The following HCN1 variants were observed in gnomAD, a reference collection of about 807,000 sequenced individuals.
HCN1 encodes the protein potassium/sodium hyperpolarization-activated cyclic nucleotide-gated channel 1.
A neutral mutation model predicts 78.9 loss-of-function variants in HCN1; 13 were observed. The observed-to-expected ratio is 0.16, with a 90% CI of 0.11 to 0.26. HCN1 has a LOEUF of 0.26. HCN1 is among the 10% of genes least tolerant of loss of function. The probability of loss-of-function intolerance (pLI) is 1.00; values close to 1 mark genes in which losing one functional copy is unlikely to be tolerated. For missense variants in HCN1, 810 were observed against 1,154.3 expected (o/e 0.70, Z 4.32); for synonymous variants, 552 against 455.5 (o/e 1.21, Z -2.70).
intron 2 of HCN1, among the ~76,000 whole-genome samples, chr5:45,533,971 A>G (rs973529025): frequency 6.6e-6 from 1 of 152,186 alleles, no homozygotes; most frequent in African/African-American, 2.4e-5. Flanking sequence ...GGATTGGCAT[A>G]ATGTTGGCAC....
intron 3 of HCN1, among the ~76,000 whole-genome samples, chr5:45,427,571 T>C (rs1285237556): frequency 6.6e-6 from 1 of 152,146 alleles, no homozygotes; most frequent in African/African-American, 2.4e-5. Context: ...TCAGGTGTTT[T>C]GTTAGATGTG....
Position 45,421,880 on chromosome 5 carries a change from T to C in HCN1, c.1012-25170A>G, listed in dbSNP as rs974141488. 2.0e-5 allele frequency among the ~76,000 whole-genome samples: 3 copies of C among 152,288 alleles called. No individual in the cohort carries two copies. The East Asian group carries it at 5.8e-4, about 30-fold the overall frequency. Reference sequence around the variant, plus strand: ...GGTGCTTGCACACATAGAAAGATTTTCTCCCCTACTTTTTATAAAGGCACT... The same window carrying C: ...GGTGCTTGCACACATAGAAAGATTTCCTCCCCTACTTTTTATAAAGGCACT... On this transcript the variant is annotated intron_variant, in intron 3 of 7. Transcript: ENST00000303230.
At chr5:45,461,732 C>A in intron 3 of HCN1, 114 bp downstream of exon 3, 1 of 1,008,914 alleles carries the variant, frequency 9.9e-7, no homozygotes, top group Non-Finnish European at 1.5e-6. Flanking sequence ...GAAGCAAAAT[C>A]AAGTTGTCTG....
chr5:45,684,359 G>A lies in HCN1; in HGVS notation c.425+11310C>T, dbSNP rs374104277. ...AACCATAACTTGGTGCTTCTAGCAT[G>A]TATTTCTGCTTTTTATACATTAGAT... On this transcript the variant is annotated intron_variant, in intron 1 of 7. Coordinates refer to ENST00000303230, the MANE Select transcript of HCN1 (RefSeq NM_021072.4). Among the ~76,000 whole-genome samples, 37 of 152,216 alleles carry A rather than the reference G, an allele frequency of 2.4e-4. No individual in the cohort carries two copies. The East Asian group carries it at 3.5e-3, about 14-fold the overall frequency.
chr5:45,389,136 T>G (rs1337069319), intron 4 of HCN1, among the ~76,000 whole-genome samples: 2 of 152,108 alleles, frequency 1.3e-5, no homozygotes, highest in African/African-American at 4.8e-5. Flanking sequence ...CCTAAACTGA[T>G]CCCTATCAGC....
intron 1 of HCN1, among the ~76,000 whole-genome samples, chr5:45,687,200 A>G (rs1164937471): frequency 6.6e-6 from 1 of 152,058 alleles, no homozygotes; most frequent in Admixed American, 6.5e-5. Context: ...TGCTTATTCA[A>G]TGGTGTTGTA....
chr5:45,475,180 G>GTA (rs1741487576), intron 2 of HCN1, among the ~76,000 whole-genome samples: 1 of 151,936 alleles, frequency 6.6e-6, no homozygotes, highest in African/African-American at 2.4e-5. Context: ...TACATAATGA[G>GTA]TATATGAAAG....
At chr5:45,349,563 C>T (rs995428200) in intron 5 of HCN1, among the ~76,000 whole-genome samples, 4 of 152,004 alleles carry the variant, frequency 2.6e-5, no homozygotes, top group Admixed American at 6.6e-5. Context: ...AAAAACCCTT[C>T]AAAAAATTAA....
chr5:45,542,492 T>C (rs2111831445), intron 2 of HCN1, among the ~76,000 whole-genome samples: 1 of 151,948 alleles, frequency 6.6e-6, no homozygotes, highest in East Asian at 1.9e-4. Flanking sequence ...AAAAGAAAAG[T>C]TAAAAAAAAA....
intron 2 of HCN1, among the ~76,000 whole-genome samples, chr5:45,467,753 C>G (rs912031633): frequency 2.6e-5 from 4 of 152,078 alleles, no homozygotes; most frequent in African/African-American, 4.8e-5. Context: ...AAAAGGAATA[C>G]TCTTATAGTT....
intron 1 of HCN1, among the ~76,000 whole-genome samples, chr5:45,660,494 A>G (rs2112057575): frequency 6.6e-6 from 1 of 150,866 alleles, no homozygotes; most frequent in East Asian, 2.0e-4. Flanking sequence ...CTGCAATTAA[A>G]AAACACAGAC....
intron 2 of HCN1, among the ~76,000 whole-genome samples, chr5:45,632,430 G>GA (rs1162369204): frequency 2.0e-5 from 3 of 152,008 alleles, no homozygotes; most frequent in Admixed American, 1.3e-4. Flanking sequence ...GGAGGATGAG[G>GA]AAAAAATTCT....
At chr5:45,665,230 T>C (rs987608908) in intron 1 of HCN1, among the ~76,000 whole-genome samples, 1 of 144,672 alleles carries the variant, frequency 6.9e-6, no homozygotes, top group Admixed American at 7.4e-5. Context: ...TTCTCACTCA[T>C]AGGTGGGAAT....
At chr5:45,317,288 A>G (rs1746014613) in intron 5 of HCN1, among the ~76,000 whole-genome samples, 1 of 152,200 alleles carries the variant, frequency 6.6e-6, no homozygotes. Context: ...CTGATCTTTG[A>G]CAAACTTGAC....
At chr5:45,606,055 CA>C (rs1744721567) in intron 2 of HCN1, among the ~76,000 whole-genome samples, 1 of 151,744 alleles carries the variant, frequency 6.6e-6, no homozygotes, top group African/African-American at 2.4e-5. Context: ...AAATATTCCC[CA>C]GGCAGGGTTG....
chr5:45,284,335 T>C (rs186765373), intron 6 of HCN1, among the ~76,000 whole-genome samples: 322 of 152,272 alleles, frequency 2.1e-3, no homozygotes, highest in Non-Finnish European at 3.4e-3. Context: ...GATTTTAATC[T>C]GTAACCCTGT....
intron 5 of HCN1, among the ~76,000 whole-genome samples, chr5:45,329,687 T>A (rs973269645): frequency 6.6e-6 from 1 of 151,426 alleles, no homozygotes; most frequent in Non-Finnish European, 1.5e-5. Flanking sequence ...GAATCTTTTT[T>A]AAATTAACAC....
At chr5:45,551,763 A>G (rs1743375173) in intron 2 of HCN1, among the ~76,000 whole-genome samples, 1 of 151,978 alleles carries the variant, frequency 6.6e-6, no homozygotes, top group South Asian at 2.1e-4. Flanking sequence ...GAACAACTCT[A>G]TAAAGGATTT....
In HCN1 at chr5:45,334,419, C is replaced by T. The variant is rs142347344; in HGVS notation, c.1377+18681G>A. On this transcript the variant is annotated intron_variant, in intron 5 of 7. Coordinates refer to ENST00000303230, the MANE Select transcript of HCN1 (RefSeq NM_021072.4). Reference sequence around the variant, plus strand: ...AGTCTATTCCAGGCCATGGTGAACACACTTTTTTTTTTCTCAACAGTGTTA... The same window carrying T: ...AGTCTATTCCAGGCCATGGTGAACATACTTTTTTTTTTCTCAACAGTGTTA... Among the ~76,000 whole-genome samples the T allele has an allele frequency of 5.7e-3, 862 of 151,850 alleles. 7 individuals carry two copies. The highest frequency in any genetic ancestry group is 6.2e-3 in the Non-Finnish European group (423 of 67,820).
Sources: allele counts gnomAD v4.1 joint callset (sites outside exome capture counted in the v4.1 genomes callset), GRCh38; gene constraint gnomAD v4.1.1; transcripts MANE v1.5; gene names NCBI Gene and HGNC (gene_info 2026-07-23, HGNC 2026-07-21).